The following GLB1 variants were observed in gnomAD, a reference collection of about 807,000 sequenced individuals.
The protein encoded by GLB1 is galactosidase beta 1, also known as beta-galactosidase.
GLB1 carries 56 observed loss-of-function variants against 74.0 expected under a neutral mutation model. That is an observed-to-expected ratio of 0.76 (90% CI 0.61 to 0.94). The LOEUF (loss-of-function observed/expected upper bound fraction) is 0.94, where lower values mean the gene tolerates loss of function less well. Among genes scored for constraint, GLB1 ranks in the 40% least tolerant of loss-of-function variants. The pLI is 0.00. For missense variants in GLB1, 787 were observed against 845.5 expected, an observed-to-expected ratio of 0.93 and a Z score of 0.86; for synonymous variants, 323 against 323.6, an observed-to-expected ratio of 1.00 and a Z score of 0.02.
At chr3:33,008,126 C>G (rs1386247931) in intron 15 of GLB1, among the ~76,000 whole-genome samples, 1 of 152,164 alleles carries the variant, frequency 6.6e-6, no homozygotes, top group Non-Finnish European at 1.5e-5. Context: ...GATGAACCTC[C>G]CTCTGACCTC....
intron 10 of GLB1, among the ~76,000 whole-genome samples, chr3:33,042,930 A>C (rs1698565692): frequency 6.6e-6 from 1 of 152,204 alleles, no homozygotes; most frequent in South Asian, 2.1e-4. Context: ...TGTTTGTTAA[A>C]TCATTTGCCA....
chr3:32,993,682 CT>C (rs560990768), downstream of GLB1, among the ~76,000 whole-genome samples: 28 of 151,924 alleles, frequency 1.8e-4, no homozygotes, highest in East Asian at 5.4e-3. Context: ...TTACAGGTGC[CT>C]GCCACCATGC....
At chr3:33,087,587 A>ATG (rs1700566248) in intron 1 of GLB1, among the ~76,000 whole-genome samples, 1 of 102,192 alleles carries the variant, frequency 9.8e-6, no homozygotes, top group South Asian at 3.1e-4. Flanking sequence ...GCGCACACAC[A>ATG]CACACACACA....
At chr3:33,081,722 A>G (rs1700330072) in intron 1 of GLB1, among the ~76,000 whole-genome samples, 1 of 152,182 alleles carries the variant, frequency 6.6e-6, no homozygotes, top group Non-Finnish European at 1.5e-5. Flanking sequence ...CACAATTACC[A>G]CAACAACCAG....
At chr3:32,980,995 GAAGGA>G in the GLB1 span, among the ~76,000 whole-genome samples, 1 of 147,308 alleles carries the variant, frequency 6.8e-6, no homozygotes, top group Non-Finnish European at 1.5e-5. Flanking sequence ...GGAGGCTGAG[GAAGGA>G]GAATTACATG....
chr3:33,086,365 A>C (rs528228032), intron 1 of GLB1, among the ~76,000 whole-genome samples: 1 of 152,272 alleles, frequency 6.6e-6, no homozygotes, highest in South Asian at 2.1e-4. Context: ...CCACATAATT[A>C]ATGAGGAGAG....
intron 10 of GLB1, among the ~76,000 whole-genome samples, chr3:33,028,816 C>A (rs1697886635): frequency 6.6e-6 from 1 of 152,110 alleles, no homozygotes; most frequent in Non-Finnish European, 1.5e-5. Flanking sequence ...CAGGCATGCA[C>A]CACCACGCCT....
chr3:33,092,557 C>T (rs1014554781), intron 1 of GLB1: 2 of 1,200,812 alleles, frequency 1.7e-6, no homozygotes, highest in African/African-American at 3.0e-5. Flanking sequence ...GTCCCCATTC[C>T]ACATCATCTG....
downstream of GLB1, among the ~76,000 whole-genome samples, chr3:32,992,228 C>G (rs2125440480): frequency 6.6e-6 from 1 of 152,314 alleles, no homozygotes; most frequent in South Asian, 2.1e-4. Flanking sequence ...AGGACCTCTT[C>G]CTCCCCTTTG....
At chr3:32,993,567 T>G (rs955990299), downstream of GLB1, among the ~76,000 whole-genome samples, 1 of 123,552 alleles carries the variant, frequency 8.1e-6, no homozygotes, top group Non-Finnish European at 1.6e-5. Flanking sequence ...GGTGTCTCAC[T>G]CTTGTCACCC....
At chr3:32,971,600 T>C in the GLB1 span, among the ~76,000 whole-genome samples, 1 of 152,222 alleles carries the variant, frequency 6.6e-6, no homozygotes, top group Non-Finnish European at 1.5e-5. Context: ...TCAGCCAGCG[T>C]TTGGTTGTTA....
At chr3:33,010,112 G>A (rs752929357) in intron 15 of GLB1, among the ~76,000 whole-genome samples, 11 of 152,142 alleles carry the variant, frequency 7.2e-5, no homozygotes, top group Non-Finnish European at 1.3e-4. Flanking sequence ...ATATACCTAG[G>A]AGCGGAATTG....
chr3:33,071,840 C>A (rs1008424688), intron 2 of GLB1, among the ~76,000 whole-genome samples: 1 of 152,118 alleles, frequency 6.6e-6, no homozygotes, highest in Non-Finnish European at 1.5e-5. Flanking sequence ...CCCTTCTAGA[C>A]CCTCATTGCA....
chr3:33,056,187 G>A (rs113169899), intron 6 of GLB1, among the ~76,000 whole-genome samples: 11,369 of 134,086 alleles, frequency 0.085, 1,046 homozygotes, highest in East Asian at 0.5. Context: ...GGATCGGGTC[G>A]TTGCACTCCA....
chr3:32,975,934 G>A, the GLB1 span, among the ~76,000 whole-genome samples: 3 of 152,240 alleles, frequency 2.0e-5, no homozygotes, highest in African/African-American at 7.2e-5. Context: ...AGAAACATGG[G>A]TGTCAACAGT....
At chr3:32,980,272 G>A in the GLB1 span, among the ~76,000 whole-genome samples, 1 of 152,108 alleles carries the variant, frequency 6.6e-6, no homozygotes, top group African/African-American at 2.4e-5. Flanking sequence ...GGCTTGCCTG[G>A]AATTCCTGGC....
At chr3:33,071,057 T>C (rs1699870742) in intron 2 of GLB1, among the ~76,000 whole-genome samples, 1 of 152,134 alleles carries the variant, frequency 6.6e-6, no homozygotes, top group Admixed American at 6.6e-5. Context: ...GACAAAACCT[T>C]CTACCAGCTC....
chr3:33,051,614 A>AG lies in GLB1; in HGVS notation c.955+143_955+144insC, dbSNP rs200552117. 1,120 of 1,195,360 alleles carry AG rather than the reference A, an allele frequency of 9.4e-4. 4 individuals are homozygous for AG. The highest frequency in any genetic ancestry group is 1.4e-3 in the Middle Eastern group (5 of 3,492). 74.0% of individuals were successfully genotyped at this position (1,195,360 alleles called of 1,614,324 possible). ...AGTGAGACTGTCTACAAAAAAAAAA[A>AG]AAAAAGAAAAAGAAAAAAAAAGAAA... is the stretch of plus-strand genomic sequence containing the variant. On this transcript the variant is annotated intron_variant, in intron 9 of 15. Transcript: ENST00000307363.
At chr3:32,965,891 T>G in the GLB1 span, among the ~76,000 whole-genome samples, 1 of 152,210 alleles carries the variant, frequency 6.6e-6, no homozygotes, top group Non-Finnish European at 1.5e-5. Context: ...GCCCCAATCC[T>G]TGGCAGGTTC....
Sources: gnomAD v4.1 joint callset for allele counts (sites outside exome capture counted in the v4.1 genomes callset) on GRCh38, gnomAD v4.1.1 for gene constraint, MANE v1.5 for transcripts, NCBI Gene and HGNC (gene_info 2026-07-23, HGNC 2026-07-21) for gene names.